The following NT5DC1 variants were observed in gnomAD, a reference collection of about 807,000 sequenced individuals.
The protein encoded by NT5DC1 is 5'-nucleotidase domain containing 1, also known as 5'-nucleotidase domain-containing protein 1.
Under a neutral mutation model 59.4 loss-of-function variants are expected in NT5DC1, and 42 were observed. The observed-to-expected ratio is 0.71, with a 90% CI of 0.55 to 0.92. The LOEUF (loss-of-function observed/expected upper bound fraction) is 0.92, where lower values mean the gene tolerates loss of function less well. Among genes scored for constraint, NT5DC1 ranks in the 40% least tolerant of loss-of-function variants. The pLI is 0.00. For missense variants in NT5DC1, 501 were observed against 537.1 expected, an observed-to-expected ratio of 0.93 and a Z score of 0.66; for synonymous variants, 172 against 188.1, an observed-to-expected ratio of 0.91 and a Z score of 0.70.
intron 6 of NT5DC1, among the ~76,000 whole-genome samples, chr6:116,207,951 T>C (rs1204780): frequency 0.43 from 64,593 of 151,794 alleles, 17,714 homozygotes; most frequent in African/African-American, 0.78. Context: ...TACTGAAATG[T>C]TGTCTCGGCA....
At chr6:116,116,510 C>T (rs892111936) in intron 5 of NT5DC1, among the ~76,000 whole-genome samples, 3 of 152,074 alleles carry the variant, frequency 2.0e-5, no homozygotes, top group East Asian at 1.9e-4. Flanking sequence ...GGTGTGGTGG[C>T]GTGCACCTGT....
chr6:116,234,849 A>G (rs1426898279), intron 8 of NT5DC1, among the ~76,000 whole-genome samples: 2 of 152,124 alleles, frequency 1.3e-5, no homozygotes, highest in Non-Finnish European at 2.9e-5. Context: ...CAGGCTCTCT[A>G]CTGCAGGAAT....
At chr6:116,167,425 G>T in intron 6 of NT5DC1, among the ~76,000 whole-genome samples, 1 of 151,926 alleles carries the variant, frequency 6.6e-6, no homozygotes, top group East Asian at 1.9e-4. Flanking sequence ...TGTTAGCCAG[G>T]ATGGTCTCAA....
chr6:116,144,177 A>T lies in NT5DC1; in HGVS notation c.529+26232A>T, dbSNP rs527712978. On this transcript the variant is annotated intron_variant, in intron 6 of 11. Transcript: ENST00000319550. ...TGGAATCCTTTTTATAACAGACAGT[A>T]TGAAAACAAACATATTCTTCTTACA... Among the ~76,000 whole-genome samples, 13 of 152,270 alleles carry T rather than the reference A, an allele frequency of 8.5e-5. No individual in the cohort carries two copies. In the East Asian group the frequency reaches 2.5e-3, roughly 29 times the overall value.
At chr6:116,108,214 C>G in intron 2 of NT5DC1, 150 bp from the exon 3 acceptor site, 1 of 619,418 alleles carries the variant, frequency 1.6e-6, no homozygotes, top group Non-Finnish European at 2.9e-6. Flanking sequence ...TTTTACAGTT[C>G]TTAGATATTC....
chr6:116,188,381 A>T (rs1175746296), intron 6 of NT5DC1, among the ~76,000 whole-genome samples: 2 of 152,200 alleles, frequency 1.3e-5, no homozygotes, highest in Non-Finnish European at 2.9e-5. Flanking sequence ...TCACTATTAC[A>T]CCAAATTAGA....
rs1779150031 is a variant in NT5DC1, at chr6:116,122,112, T to C, written c.529+4167T>C. On this transcript the variant is annotated intron_variant, in intron 6 of 11. Coordinates refer to ENST00000319550, the MANE Select transcript of NT5DC1 (RefSeq NM_152729.3). ...AACAGTCTGAAATGGTTTTAGATTA[T>C]ATGTTTTATACTGTTTTAAAAAATT... 7 of 810,846 alleles carry C rather than the reference T, an allele frequency of 8.6e-6. No individual in the cohort carries two copies. In the South Asian group the frequency reaches 9.9e-5, roughly 12 times the overall value. 50.2% of individuals were successfully genotyped at this position (810,846 alleles called of 1,614,324 possible). A position where few individuals can be genotyped will look rare whatever the true frequency, so the allele number is the denominator to read the frequency against.
At chr6:116,228,427 G>C (rs1183902526) in intron 8 of NT5DC1, among the ~76,000 whole-genome samples, 2 of 152,094 alleles carry the variant, frequency 1.3e-5, no homozygotes, top group East Asian at 1.9e-4. Context: ...AGAATCGCTT[G>C]AACCTGGGAG....
At chr6:116,120,833 CCTG>C in intron 6 of NT5DC1, 1 of 1,613,988 alleles carries the variant, frequency 6.2e-7, no homozygotes, top group Non-Finnish European at 8.5e-7. Flanking sequence ...TCCCTTTGCT[CCTG>C]CTGGGCCCAC....
chr6:116,223,693 A>C (rs983305575), intron 8 of NT5DC1, among the ~76,000 whole-genome samples: 1 of 152,250 alleles, frequency 6.6e-6, no homozygotes, highest in Non-Finnish European at 1.5e-5. Flanking sequence ...CCTGATCCGG[A>C]ATAGAGAAGT....
chr6:116,140,809 TG>T (rs1779745844), intron 6 of NT5DC1, among the ~76,000 whole-genome samples: 1 of 152,180 alleles, frequency 6.6e-6, no homozygotes, highest in South Asian at 2.1e-4. Context: ...TACTGATGTG[TG>T]GGGCTGTTTA....
intron 6 of NT5DC1, among the ~76,000 whole-genome samples, chr6:116,200,393 G>A (rs998045184): frequency 4.6e-5 from 7 of 151,876 alleles, no homozygotes; most frequent in African/African-American, 1.7e-4. Context: ...AATGAAGTGA[G>A]GACTTTAGTT....
intron 6 of NT5DC1, among the ~76,000 whole-genome samples, chr6:116,204,545 C>G (rs1468265845): frequency 6.6e-6 from 1 of 151,886 alleles, no homozygotes; most frequent in Non-Finnish European, 1.5e-5. Flanking sequence ...CCCAACAATT[C>G]TGAAAGCAAA....
intron 6 of NT5DC1, among the ~76,000 whole-genome samples, chr6:116,212,591 C>G (rs1248703031): frequency 3.9e-5 from 6 of 152,134 alleles, no homozygotes; most frequent in Non-Finnish European, 8.8e-5. Context: ...AAACAGTGCA[C>G]TCTTGTGATA....
rs1771863270 is a variant in NT5DC1 at position 116,247,079 on chromosome 6, G to T, written c.*3055G>T. On this transcript the variant is annotated 3_prime_UTR_variant, in exon 12 of 12. Coordinates refer to ENST00000319550, the MANE Select transcript of NT5DC1 (RefSeq NM_152729.3). ...CACTGTTAGTAAGAGAGCAATACAT[G>T]AACCCAAGTTTGATCCTCAAAATCA... The T allele has an allele frequency of 6.6e-6, 1 of 152,094 alleles. No individual in the cohort carries two copies. The highest frequency in any genetic ancestry group is 2.4e-5 in the African/African-American group (1 of 41,420). 9.4% of individuals were successfully genotyped at this position (152,094 alleles called of 1,614,324 possible). A position where few individuals can be genotyped will look rare whatever the true frequency, so the allele number is the denominator to read the frequency against.
intron 6 of NT5DC1, among the ~76,000 whole-genome samples, chr6:116,148,002 G>A (rs910393490): frequency 2.6e-5 from 4 of 151,738 alleles, no homozygotes; most frequent in East Asian, 1.9e-4. Context: ...AAAAAGGTGG[G>A]GGGGGTTGGA....
intron 6 of NT5DC1, among the ~76,000 whole-genome samples, chr6:116,197,897 C>T (rs970300502): frequency 2.6e-5 from 4 of 152,034 alleles, no homozygotes; most frequent in African/African-American, 9.7e-5. Context: ...CACATGTCTA[C>T]TTCATTAGGA....
At chr6:116,219,644 G>A (rs1384161496) in intron 6 of NT5DC1, among the ~76,000 whole-genome samples, 2 of 151,926 alleles carry the variant, frequency 1.3e-5, no homozygotes, top group Non-Finnish European at 2.9e-5. Flanking sequence ...TTATTTGTTC[G>A]TTTTTGTTTC....
At chr6:116,101,118 C>A in intron 1 of NT5DC1, 95 bp downstream of exon 1, 1 of 871,960 alleles carries the variant, frequency 1.1e-6, no homozygotes, top group Non-Finnish European at 1.7e-6. Context: ...GGACGCTGCC[C>A]GGGGCCTGCG....
Sources: gnomAD v4.1 joint callset for allele counts (sites outside exome capture counted in the v4.1 genomes callset) on GRCh38, gnomAD v4.1.1 for gene constraint, MANE v1.5 for transcripts, NCBI Gene and HGNC (gene_info 2026-07-23, HGNC 2026-07-21) for gene names.